The following LRRTM4 variants were observed in gnomAD, a reference collection of about 807,000 sequenced individuals.
LRRTM4 encodes the protein leucine rich repeat transmembrane neuronal 4.
A neutral mutation model predicts 47.6 loss-of-function variants in LRRTM4; 25 were observed. The ratio of observed to expected loss-of-function variants is 0.53; its 90% confidence interval spans 0.38 to 0.73. The LOEUF is 0.73. Among genes scored for constraint, LRRTM4 ranks in the 30% least tolerant of loss-of-function variants. The probability of loss-of-function intolerance (pLI) is 0.00; values close to 1 mark genes in which losing one functional copy is unlikely to be tolerated. For missense variants in LRRTM4, 638 were observed against 713.4 expected (o/e 0.89, Z 1.20); for synonymous variants, 311 against 269.5 (o/e 1.15, Z -1.51).
intron 3 of LRRTM4, among the ~76,000 whole-genome samples, chr2:77,069,044 A>G (rs887647653): frequency 2.6e-4 from 40 of 152,174 alleles, no homozygotes; most frequent in Non-Finnish European, 7.3e-5. Flanking sequence ...ACTTTTAGTT[A>G]GTTTGATATC....
chr2:77,157,204 C>A (rs1672583562), intron 3 of LRRTM4, among the ~76,000 whole-genome samples: 1 of 152,050 alleles, frequency 6.6e-6, no homozygotes, highest in Non-Finnish European at 1.5e-5. Flanking sequence ...AAAGGTTTTG[C>A]TTGTTCACTG....
At chr2:76,853,395 C>G (rs901768448) in intron 3 of LRRTM4, among the ~76,000 whole-genome samples, 3 of 151,974 alleles carry the variant, frequency 2.0e-5, no homozygotes, top group Non-Finnish European at 4.4e-5. Context: ...ATTTCAAGAT[C>G]TAAATTGTTG....
intron 3 of LRRTM4, among the ~76,000 whole-genome samples, chr2:77,185,066 C>T (rs1441629211): frequency 6.6e-6 from 1 of 152,120 alleles, no homozygotes; most frequent in African/African-American, 2.4e-5. Context: ...TACTTCTGGC[C>T]TTTACCCATC....
At chr2:76,830,732 A>C (rs2103893043) in intron 3 of LRRTM4, among the ~76,000 whole-genome samples, 1 of 152,178 alleles carries the variant, frequency 6.6e-6, no homozygotes, top group East Asian at 1.9e-4. Context: ...TTAACACTGG[A>C]AAAACAAGAA....
chr2:77,518,394 T>C lies in LRRTM4; in HGVS notation c.1475A>G (p.Asn492Ser), dbSNP rs1679311785. 1 of 1,612,880 alleles carries C rather than the reference T, an allele frequency of 6.2e-7. No individual in the cohort carries two copies. Among genetic ancestry groups the C allele is most frequent in the Non-Finnish European group, 8.5e-7 (1 of 1,179,466 alleles). Residue 492 changes from asparagine to serine, a missense_variant, in exon 3 of 4, where the codon AAC becomes AGC. Asn to Ser is a conservative substitution (Grantham distance 46). Transcript: ENST00000409884. ...QEYYVDYKPT[N>S]SETMDISVNG... ...AACCGATATATCCATGGTCTCAGAG[T>C]TTGTAGGCTTGTAGTCCACATAATA...
chr2:77,358,296 C>T (rs1376637601), intron 3 of LRRTM4, among the ~76,000 whole-genome samples: 1 of 152,092 alleles, frequency 6.6e-6, no homozygotes, highest in Non-Finnish European at 1.5e-5. Context: ...AGATGAAAGG[C>T]AAAATGTTCC....
At chr2:76,968,052 A>G (rs1426814598) in intron 3 of LRRTM4, among the ~76,000 whole-genome samples, 1 of 151,446 alleles carries the variant, frequency 6.6e-6, no homozygotes, top group African/African-American at 2.4e-5. Context: ...TTAAAGGTAT[A>G]AGTAAGCAAA....
intron 3 of LRRTM4, among the ~76,000 whole-genome samples, chr2:76,785,867 G>T (rs1286250996): frequency 6.6e-6 from 1 of 152,126 alleles, no homozygotes; most frequent in Non-Finnish European, 1.5e-5. Flanking sequence ...CAGACCTGCA[G>T]AGTTGCCCAA....
intron 3 of LRRTM4, among the ~76,000 whole-genome samples, chr2:76,809,799 T>C (rs1426107484): frequency 1.3e-5 from 2 of 152,172 alleles, no homozygotes; most frequent in Non-Finnish European, 2.9e-5. Flanking sequence ...CCAGCCACAG[T>C]TACTTGCTTA....
At chr2:76,886,945 T>C (rs1230526597) in intron 3 of LRRTM4, among the ~76,000 whole-genome samples, 2 of 152,000 alleles carry the variant, frequency 1.3e-5, no homozygotes, top group African/African-American at 4.8e-5. Flanking sequence ...ATGAACTTTT[T>C]TGAACATAAT....
chr2:77,291,389 C>T (rs1359663097), intron 3 of LRRTM4, among the ~76,000 whole-genome samples: 5 of 152,034 alleles, frequency 3.3e-5, no homozygotes, highest in Admixed American at 1.3e-4. Context: ...ACTTATTTCT[C>T]AAATTCTGCC....
chr2:77,010,209 C>G (rs1677816517), intron 3 of LRRTM4, among the ~76,000 whole-genome samples: 1 of 151,928 alleles, frequency 6.6e-6, no homozygotes, highest in South Asian at 2.1e-4. Flanking sequence ...CTGTAGTCAA[C>G]AAGATGTGCA....
chr2:77,007,857 C>G (rs556166643), intron 3 of LRRTM4, among the ~76,000 whole-genome samples: 2 of 152,270 alleles, frequency 1.3e-5, no homozygotes, highest in South Asian at 4.1e-4. Context: ...TAATCTACAC[C>G]ATCCAACAAA....
chr2:76,873,533 T>TATATATATATATATATAC (rs1174673622), intron 3 of LRRTM4, among the ~76,000 whole-genome samples: 49 of 145,180 alleles, frequency 3.4e-4, no homozygotes, highest in South Asian at 1.3e-3. Flanking sequence ...TATATATATA[T>TATATATATATATATATAC]ACAACATAGT....
chr2:77,260,259 T>C lies in LRRTM4; in HGVS notation c.1551+258059A>G, dbSNP rs184116527. Among the ~76,000 whole-genome samples the C allele has an allele frequency of 2.6e-4, 40 of 152,150 alleles. 1 individual carries two copies. The East Asian group carries it at 7.0e-3, about 27-fold the overall frequency. ...AAAATTTCTTAGAAGAGGTTGAAGA[T>C]ACAGAAAATATGAACGAGTAAAAGT... On this transcript the variant is annotated intron_variant, in intron 3 of 3. Transcript: ENST00000409884.
At chr2:76,925,275 AGGGAGCGGGTTG>A (rs1163967243) in intron 3 of LRRTM4, among the ~76,000 whole-genome samples, 2 of 152,110 alleles carry the variant, frequency 1.3e-5, no homozygotes, top group Non-Finnish European at 2.9e-5. Flanking sequence ...TGAACTGCCC[AGGGAGCGGGTTG>A]GCTTCCAGCA....
chr2:77,064,621 G>A (rs780106293), intron 3 of LRRTM4, among the ~76,000 whole-genome samples: 1 of 152,146 alleles, frequency 6.6e-6, no homozygotes, highest in Admixed American at 6.5e-5. Flanking sequence ...CATCAGGCAA[G>A]TTTCCACTCC....
intron 3 of LRRTM4, among the ~76,000 whole-genome samples, chr2:76,822,642 G>A (rs1671084607): frequency 6.6e-6 from 1 of 151,424 alleles, no homozygotes; most frequent in South Asian, 2.1e-4. Flanking sequence ...ACCAGAACTG[G>A]CTTAGCAAAT....
At chr2:76,773,613 A>G (rs1472878383) in intron 3 of LRRTM4, among the ~76,000 whole-genome samples, 1 of 151,826 alleles carries the variant, frequency 6.6e-6, no homozygotes, top group East Asian at 1.9e-4. Context: ...AGGAACAACT[A>G]AAAATAAAAA....
Sources: allele counts gnomAD v4.1 joint callset (sites outside exome capture counted in the v4.1 genomes callset), GRCh38; gene constraint gnomAD v4.1.1; transcripts MANE v1.5; gene names NCBI Gene and HGNC (gene_info 2026-07-23, HGNC 2026-07-21).